OSGEPL1: variants seen among roughly 807,000 people sequenced by gnomAD.
The protein encoded by OSGEPL1 is tRNA N6-adenosine threonylcarbamoyltransferase, mitochondrial.
Under a neutral mutation model 37.2 loss-of-function variants are expected in OSGEPL1, and 26 were observed. The ratio of observed to expected loss-of-function variants is 0.70; its 90% CI spans 0.51 to 0.97. The LOEUF is 0.97. Ranked by LOEUF, OSGEPL1 falls within the 50% of genes least tolerant of loss-of-function variation. The pLI, the probability that OSGEPL1 is intolerant of heterozygous loss-of-function variation, is 0.00. For synonymous variants in OSGEPL1, 140 were observed against 159.9 expected, an observed-to-expected ratio of 0.88 and a Z score of 0.94; for missense variants, 404 against 487.0, an observed-to-expected ratio of 0.83 and a Z score of 1.60.
rs2044211666 is a variant in OSGEPL1 at position 189,746,709 on chromosome 2, A to G, written c.*488T>C. ...TTAATAATGGTAATATGCAAATAAC[A>G]TAACTGAATAATCTTTTTGAATGAA... is the stretch of plus-strand genomic sequence containing the variant. On this transcript the variant is annotated 3_prime_UTR_variant, in exon 9 of 9. Coordinates refer to ENST00000264151, the MANE Select transcript of OSGEPL1 (RefSeq NM_022353.3). The G allele has an allele frequency of 3.7e-6, 5 of 1,337,614 alleles. No individual in the cohort carries two copies. Among genetic ancestry groups the G allele is most frequent in the East Asian group, 2.6e-5 (1 of 38,140 alleles). 82.9% of individuals were successfully genotyped at this position (1,337,614 alleles called of 1,614,324 possible). A position where few individuals can be genotyped will look rare whatever the true frequency, so the allele number is the denominator to read the frequency against.
chr2:189,747,485 G>C (rs980096526), intron 8 of OSGEPL1, among the ~76,000 whole-genome samples: 5 of 152,150 alleles, frequency 3.3e-5, no homozygotes, highest in East Asian at 1.9e-4. Context: ...TCAAGTACAT[G>C]AGTATGGCTT....
At chr2:189,754,616 C>G (rs2045798818) in intron 3 of OSGEPL1, 1 of 407,846 alleles carries the variant, frequency 2.5e-6, no homozygotes, top group African/African-American at 2.1e-5. Context: ...TTGACAATAA[C>G]TGCTTAATGA....
rs1364273061 is a variant in OSGEPL1, at chr2:189,761,905, GACTT to G, written c.-20-249_-20-246del. On this transcript the variant is annotated intron_variant, in intron 1 of 8. Coordinates refer to ENST00000264151, the MANE Select transcript of OSGEPL1 (RefSeq NM_022353.3). ...TACTTGCATGCTGTTCCTACCAAAA[GACTT>G]ACTATTAAGACAGCTAATATAAAGT... Among the ~76,000 whole-genome samples the G allele has an allele frequency of 5.3e-5, 8 of 152,196 alleles. No homozygotes were observed. In the Middle Eastern group the frequency reaches 0.02, roughly 388 times the overall value.
At position 189,761,475 on chromosome 2, in the gene OSGEPL1, C is replaced by T; in HGVS notation, c.166G>A (p.Glu56Lys). Residue 56 changes from glutamate (E) to lysine (K), a missense_variant, in exon 2 of 9, where the codon GAA (glutamate) becomes AAA (lysine). Glu to Lys is a moderately conservative substitution (Grantham distance 56). Transcript: ENST00000264151. ...CDDTAAAVVD[E>K]TGNVLGEAIH... ...GCTTCTCCCAACACATTTCCAGTTT[C>T]ATCCACCACAGCAGCTGCTGTATCA... The T allele has an allele frequency of 1.2e-6, 2 of 1,612,682 alleles. No homozygotes were observed. Among genetic ancestry groups the T allele is most frequent in the South Asian group, 2.2e-5 (2 of 90,716 alleles).
chr2:189,755,705 G>T, intron 2 of OSGEPL1, 145 bp from the exon 3 acceptor site: 1 of 839,232 alleles, frequency 1.2e-6, no homozygotes, highest in Non-Finnish European at 1.7e-6. Context: ...TTCTAACATA[G>T]CACACTATGG....
intron 2 of OSGEPL1, among the ~76,000 whole-genome samples, chr2:189,759,879 G>A (rs1574919978): frequency 6.6e-6 from 1 of 152,202 alleles, no homozygotes; most frequent in African/African-American, 2.4e-5. Flanking sequence ...AAAGGTCTCT[G>A]GTTTTCCTAG....
intron 3 of OSGEPL1, 115 bp downstream of exon 3, chr2:189,755,058 G>T: frequency 3.9e-6 from 5 of 1,279,632 alleles, no homozygotes; most frequent in East Asian, 2.5e-5. Context: ...ATTTTTTTCA[G>T]TTTACTAAGA....
At position 189,754,280 on chromosome 2, in the gene OSGEPL1, T is replaced by C. The variant is rs763879529; in HGVS notation, c.675A>G (p.Ile225Met). 6.2e-7 allele frequency: 1 copy of C among 1,613,880 alleles called. No individual in the cohort carries two copies. The highest frequency in any genetic ancestry group is 1.7e-5 in the Admixed American group (1 of 60,006). ...ECSTMSGGKA[I>M]EHLAKQGNRF... ...TATTTCCTTGTTTGGCCAAATGTTCTATGGCTTTCCCACCACTCATGGTGG... is the reference window on the plus strand; with the variant it reads ...TATTTCCTTGTTTGGCCAAATGTTCCATGGCTTTCCCACCACTCATGGTGG... Residue 225 changes from isoleucine to methionine, a missense_variant, in exon 4 of 9, where the codon ATA becomes ATG. Physicochemically the swap from Ile to Met is conservative, Grantham distance 10 (BLOSUM62 1). Transcript: ENST00000264151.
At position 189,754,433 on chromosome 2, in the gene OSGEPL1, A is replaced by C. The variant is rs144775603; in HGVS notation, c.610-88T>G. Reference sequence around the variant, plus strand: ...AGGAAATAAATTGAAAATTACTAACAAAACAAAAAACCCCTGAATGAATAA... The same window carrying C: ...AGGAAATAAATTGAAAATTACTAACCAAACAAAAAACCCCTGAATGAATAA... On this transcript the variant is annotated intron_variant, in intron 3 of 8. Coordinates refer to ENST00000264151, the MANE Select transcript of OSGEPL1 (RefSeq NM_022353.3). 374 of 1,197,422 alleles carry C rather than the reference A, an allele frequency of 3.1e-4. 2 individuals carry two copies. In the African/African-American group the frequency reaches 5.5e-3, roughly 17 times the overall value. The allele number at this position is 1,197,422 out of a possible 1,614,324, so 74.2% of individuals were successfully genotyped here. A position where few individuals can be genotyped will look rare whatever the true frequency, so the allele number is the denominator to read the frequency against.
At chr2:189,758,100 G>A (rs1432544195) in intron 2 of OSGEPL1, among the ~76,000 whole-genome samples, 1 of 151,990 alleles carries the variant, frequency 6.6e-6, no homozygotes, top group Non-Finnish European at 1.5e-5. Flanking sequence ...TTAAAAGTGT[G>A]GGCCGGGAGT....
intron 2 of OSGEPL1, among the ~76,000 whole-genome samples, chr2:189,760,139 G>A (rs1040923348): frequency 6.6e-6 from 1 of 152,176 alleles, no homozygotes; most frequent in Non-Finnish European, 1.5e-5. Context: ...ACAAAATGGA[G>A]TCTCCTATGT....
At chr2:189,750,469 C>G in intron 8 of OSGEPL1, 81 bp downstream of exon 8, 1 of 581,686 alleles carries the variant, frequency 1.7e-6, no homozygotes. Context: ...AAAATAAAAT[C>G]TTGATGAATA....
intron 2 of OSGEPL1, among the ~76,000 whole-genome samples, chr2:189,758,558 CTCTTT>C (rs753265474): frequency 6.6e-6 from 1 of 152,310 alleles, no homozygotes; most frequent in Non-Finnish European, 1.5e-5. Context: ...CCAATTAAAC[CTCTTT>C]TCTTTATAAA....
In OSGEPL1 at chr2:189,754,312, C is replaced by G; in HGVS notation, c.643G>C (p.Glu215Gln). 3 of 1,611,124 alleles carry G rather than the reference C, an allele frequency of 1.9e-6. No individual in the cohort carries two copies. Among genetic ancestry groups the G allele is most frequent in the Non-Finnish European group, 2.5e-6 (3 of 1,178,854 alleles). Reference sequence around the variant, plus strand: ...TTCCCACCACTCATGGTGGAGCACTCTGGATGTTTTATTAAAGAAAGTCTT... The same window carrying G: ...TTCCCACCACTCATGGTGGAGCACTGTGGATGTTTTATTAAAGAAAGTCTT... The part of the protein sequence containing the change: ...ARRLSLIKHP[E>Q]CSTMSGGKAI... The change falls in exon 4 of 9, where the codon GAG becomes CAG. Residue 215 changes from glutamate (E) to glutamine (Q), a missense_variant. By Grantham distance (29) the Glu-to-Gln change is conservative. Coordinates refer to ENST00000264151, the MANE Select transcript of OSGEPL1 (RefSeq NM_022353.3).
At chr2:189,762,655 G>A (rs1330717175) in intron 1 of OSGEPL1, 30 bp downstream of exon 1, 1 of 985,352 alleles carries the variant, frequency 1.0e-6, no homozygotes. Context: ...AAAAGCGTCA[G>A]TGGGGTGAAG....
chr2:189,750,684 A>G, intron 7 of OSGEPL1, 28 bp from the exon 8 acceptor site: 1 of 1,530,132 alleles, frequency 6.5e-7, no homozygotes, highest in Non-Finnish European at 8.8e-7. Flanking sequence ...AAATCGTATT[A>G]TTTATTTGCT....
At position 189,752,974 on chromosome 2, in the gene OSGEPL1, T is replaced by G; in HGVS notation, c.969A>C (p.Ala323=). The G allele has an allele frequency of 6.2e-7, 1 of 1,609,452 alleles. No individual in the cohort carries two copies. Among genetic ancestry groups the G allele is most frequent in the Non-Finnish European group, 8.5e-7 (1 of 1,178,328 alleles). Residue 323 remains alanine (A), a synonymous_variant, in exon 6 of 9, where the codon GCA becomes GCC. Transcript: ENST00000264151. ...LLPQNNAVLV[A]SGGVASNFYI... is the part of the protein sequence containing the mutation. ...AGAAGTTACTTGCGACACCACCAGA[T>G]GCAACCTGAAGGAATTGAGAAAACC...
chr2:189,758,430 T>TA (rs1474120955), intron 2 of OSGEPL1, among the ~76,000 whole-genome samples: 34 of 151,882 alleles, frequency 2.2e-4, no homozygotes, highest in African/African-American at 7.7e-4. Flanking sequence ...CTCTCGGTCC[T>TA]GCTCCTGCCA....
In OSGEPL1 at chr2:189,762,734, G is replaced by A. The variant is rs1264902039; in HGVS notation, c.-70C>T. On this transcript the variant is annotated 5_prime_UTR_variant, in exon 1 of 9. Transcript: ENST00000264151. ...GCACTTGTCTCCTTTCCCTACTAAA[G>A]ACTGTCGACTGCCCTTATCGCTGCA... is the stretch of plus-strand genomic sequence containing the variant. The A allele has an allele frequency of 1.0e-6, 1 of 985,342 alleles. No homozygotes were observed. The highest frequency in any genetic ancestry group is 1.7e-5 in the African/African-American group (1 of 57,216). 61.0% of individuals were successfully genotyped at this position (985,342 alleles called of 1,614,324 possible).
Sources: gnomAD v4.1 joint callset for allele counts (sites outside exome capture counted in the v4.1 genomes callset) on GRCh38, gnomAD v4.1.1 for gene constraint, MANE v1.5 for transcripts, NCBI Gene and HGNC (gene_info 2026-07-23, HGNC 2026-07-21) for gene names.